PPM1L: variants seen among roughly 807,000 people sequenced by gnomAD.
PPM1L encodes protein phosphatase 1L.
PPM1L carries 13 observed loss-of-function variants against 31.4 expected under a neutral mutation model. That is an observed-to-expected ratio of 0.41 (90% CI 0.27 to 0.66). PPM1L has a LOEUF of 0.66. Among genes scored for constraint, PPM1L ranks in the 30% least tolerant of loss-of-function variants. The probability of loss-of-function intolerance (pLI) is 0.29; values close to 1 mark genes in which losing one functional copy is unlikely to be tolerated. For missense variants in PPM1L, 326 were observed against 453.7 expected (o/e 0.72, Z 2.56); for synonymous variants, 184 against 175.4 (o/e 1.05, Z -0.39).
chr3:160,978,962 C>G (rs565252800), intron 2 of PPM1L, among the ~76,000 whole-genome samples: 1 of 151,996 alleles, frequency 6.6e-6, no homozygotes, highest in Non-Finnish European at 1.5e-5. Flanking sequence ...TGGACATACT[C>G]TATACTGGAA....
At chr3:160,828,312 A>G (rs1576657720) in intron 1 of PPM1L, among the ~76,000 whole-genome samples, 1 of 152,114 alleles carries the variant, frequency 6.6e-6, no homozygotes, top group Non-Finnish European at 1.5e-5. Context: ...CCTTAAAGTC[A>G]TGACAGCTGA....
At chr3:160,767,978 G>A (rs1715149685) in intron 1 of PPM1L, among the ~76,000 whole-genome samples, 2 of 152,106 alleles carry the variant, frequency 1.3e-5, no homozygotes, top group Admixed American at 1.3e-4. Context: ...GACACCGTCA[G>A]GATTTTACAG....
chr3:160,776,011 C>G (rs1711550085), intron 1 of PPM1L, among the ~76,000 whole-genome samples: 1 of 152,150 alleles, frequency 6.6e-6, no homozygotes, highest in Admixed American at 6.5e-5. Context: ...CAGAAAAGAG[C>G]TTACTGATAG....
At chr3:160,862,370 C>T (rs529572348) in intron 1 of PPM1L, among the ~76,000 whole-genome samples, 4 of 152,150 alleles carry the variant, frequency 2.6e-5, no homozygotes, top group African/African-American at 9.6e-5. Context: ...GCACATTAGT[C>T]CCTTTCAATT....
intron 1 of PPM1L, among the ~76,000 whole-genome samples, chr3:160,760,866 G>A (rs1714952083): frequency 1.3e-5 from 2 of 152,194 alleles, no homozygotes; most frequent in South Asian, 4.1e-4. Flanking sequence ...AAGGTCTTAT[G>A]TATCTTGATA....
chr3:160,805,078 A>C (rs1576645553), intron 1 of PPM1L, among the ~76,000 whole-genome samples: 1 of 152,322 alleles, frequency 6.6e-6, no homozygotes, highest in Admixed American at 6.5e-5. Flanking sequence ...TTCCCAGCCT[A>C]CAGAGGATTG....
In PPM1L at chr3:160,973,764, G is replaced by GTTTTTTT. The variant is rs75599237; in HGVS notation, c.574+11877_574+11883dup. Among the ~76,000 whole-genome samples the GTTTTTTT allele has an allele frequency of 2.8e-4, 25 of 88,470 alleles. 1 individual carries two copies. The highest frequency in any genetic ancestry group is 6.2e-4 in the African/African-American group (17 of 27,608). 58.0% of individuals were successfully genotyped at this position (88,470 alleles called of 152,430 possible). On this transcript the variant is annotated intron_variant, in intron 2 of 3. Coordinates refer to ENST00000498165, the MANE Select transcript of PPM1L (RefSeq NM_139245.4). Reference sequence around the variant, plus strand: ...GGTAAATTGCCTTCTGAAAGGCCCTGTTTTTTTTTTTTTTTTTTTTTTTTT... The same window carrying GTTTTTTT: ...GGTAAATTGCCTTCTGAAAGGCCCTGTTTTTTTTTTTTTTTTTTTTTTTTTTTTTTTT...
chr3:160,786,155 CTCTG>C (rs1331521691), intron 1 of PPM1L, among the ~76,000 whole-genome samples: 5 of 83,214 alleles, frequency 6.0e-5, no homozygotes, highest in East Asian at 4.5e-4. Flanking sequence ...CTCTCTCTCT[CTCTG>C]TGTGTGTGTG....
rs74838968 is a variant in PPM1L at position 161,069,555 on chromosome 3, G to A, written c.*398G>A. 1,420 of 182,570 alleles carry A rather than the reference G, an allele frequency of 7.8e-3. 25 individuals are homozygous for A. The highest frequency in any genetic ancestry group is 0.032 in the African/African-American group (1,342 of 42,140). The allele number at this position is 182,570 out of a possible 1,614,324, so 11.3% of individuals were successfully genotyped here. ...AACAGTGGACAGGACAGACCACCCA[G>A]TGCTGCAGGAGACAGGCCACTGCGT... On this transcript the variant is annotated 3_prime_UTR_variant, in exon 4 of 4. Transcript: ENST00000498165.
chr3:161,072,913 A>G lies in PPM1L; in HGVS notation c.*3756A>G, dbSNP rs537440255. On this transcript the variant is annotated 3_prime_UTR_variant, in exon 4 of 4. Transcript: ENST00000498165. ...ACAACTAGACTGTTCATACCCTAAT[A>G]GTTCCCCAAAATTGCCTTAGCATGT... 1.3e-5 allele frequency: 2 copies of G among 152,344 alleles called. No individual in the cohort carries two copies. The highest frequency in any genetic ancestry group is 4.1e-4 in the South Asian group (2 of 4,824). The allele number at this position is 152,344 out of a possible 1,614,324, so 9.4% of individuals were successfully genotyped here. A position where few individuals can be genotyped will look rare whatever the true frequency, so the allele number is the denominator to read the frequency against.
chr3:160,835,020 T>C (rs986989624), intron 1 of PPM1L, among the ~76,000 whole-genome samples: 1 of 147,844 alleles, frequency 6.8e-6, no homozygotes, highest in African/African-American at 2.5e-5. Context: ...TTACTACTAC[T>C]ACTACTATTA....
chr3:161,058,721 A>G (rs1719492667), intron 2 of PPM1L, among the ~76,000 whole-genome samples: 1 of 152,086 alleles, frequency 6.6e-6, no homozygotes, highest in South Asian at 2.1e-4. Flanking sequence ...TTGAAAATCA[A>G]TTGCAAGTAT....
chr3:160,759,420 CT>C (rs201550252), intron 1 of PPM1L, among the ~76,000 whole-genome samples: 3 of 151,388 alleles, frequency 2.0e-5, no homozygotes, highest in South Asian at 2.1e-4. Flanking sequence ...ATCCCTCACC[CT>C]TTTTTTTTCT....
chr3:160,782,167 G>GTT (rs141627976), intron 1 of PPM1L, among the ~76,000 whole-genome samples: 9 of 145,958 alleles, frequency 6.2e-5, no homozygotes, highest in African/African-American at 2.3e-4. Flanking sequence ...TATTCTGTTT[G>GTT]TTTTTTTTTT....
At chr3:160,903,208 T>TTGTGTGTG (rs59232471) in intron 1 of PPM1L, among the ~76,000 whole-genome samples, 2,196 of 120,064 alleles carry the variant, frequency 0.018, 31 homozygotes, top group Middle Eastern at 0.037. Flanking sequence ...GTGTGTATGT[T>TTGTGTGTG]TGTGTGTGTG....
chr3:161,040,193 A>G (rs190547980), intron 2 of PPM1L, among the ~76,000 whole-genome samples: 4 of 152,064 alleles, frequency 2.6e-5, no homozygotes, highest in Admixed American at 6.6e-5. Flanking sequence ...ATCTTTAGAC[A>G]CCCCTTTGCT....
chr3:160,872,222 G>C (rs571010245), intron 1 of PPM1L, among the ~76,000 whole-genome samples: 2 of 152,112 alleles, frequency 1.3e-5, no homozygotes, highest in East Asian at 3.8e-4. Flanking sequence ...GGAGGAGAAG[G>C]GTTTAGGGGG....
At position 160,818,134 on chromosome 3, in the gene PPM1L, G is replaced by C. The variant is rs187802952; in HGVS notation, c.399+61427G>C. Among the ~76,000 whole-genome samples the C allele has an allele frequency of 4.6e-5, 7 of 152,118 alleles. No homozygotes were observed. The East Asian group carries it at 1.4e-3, about 29-fold the overall frequency. On this transcript the variant is annotated intron_variant, in intron 1 of 3. Coordinates refer to ENST00000498165, the MANE Select transcript of PPM1L (RefSeq NM_139245.4). ...AATTTGAAGAAGTTTAATATTACCAGATGCTGAAAAGATATCAAAGTGAGC... is the reference window on the plus strand; with the variant it reads ...AATTTGAAGAAGTTTAATATTACCACATGCTGAAAAGATATCAAAGTGAGC...
chr3:161,022,886 G>C (rs377315990), intron 2 of PPM1L, among the ~76,000 whole-genome samples: 1 of 151,830 alleles, frequency 6.6e-6, no homozygotes, highest in African/African-American at 2.4e-5. Flanking sequence ...GAATGGTCTC[G>C]ATCTCCTGAC....
Sources: allele counts gnomAD v4.1 joint callset (sites outside exome capture counted in the v4.1 genomes callset), GRCh38; gene constraint gnomAD v4.1.1; transcripts MANE v1.5; gene names NCBI Gene and HGNC (gene_info 2026-07-23, HGNC 2026-07-21).